DMAC2L: variants seen among roughly 807,000 people sequenced by gnomAD.
DMAC2L encodes ATP synthase subunit s, mitochondrial.
Under a neutral mutation model 22.5 loss-of-function variants are expected in DMAC2L, and 21 were observed. That is an observed-to-expected ratio of 0.93 (90% CI 0.66 to 1.34). The LOEUF is 1.34. DMAC2L is among the 40% of genes most tolerant of loss of function. The probability of loss-of-function intolerance (pLI) is 0.00; values close to 1 mark genes in which losing one functional copy is unlikely to be tolerated. For missense variants in DMAC2L, 239 were observed against 246.5 expected, an observed-to-expected ratio of 0.97 and a Z score of 0.20; for synonymous variants, 86 against 89.5, an observed-to-expected ratio of 0.96 and a Z score of 0.22.
At chr14:50,321,078 C>G (rs2032222985) in intron 2 of DMAC2L, among the ~76,000 whole-genome samples, 1 of 152,174 alleles carries the variant, frequency 6.6e-6, no homozygotes, top group Non-Finnish European at 1.5e-5. Context: ...ATGCAAGCAT[C>G]TTAACCTTGA....
At position 50,318,551 on chromosome 14, in the gene DMAC2L, CAT is replaced by C. The variant is rs2032003086; in HGVS notation, c.-5-2931_-5-2930del. ...CTGGTTTTACCTTTCTCCATGGAAACATGTCAACCGTTGAAGACTATTAATAA... is the reference window on the plus strand; with the variant it reads ...CTGGTTTTACCTTTCTCCATGGAAACGTCAACCGTTGAAGACTATTAATAA... On this transcript the variant is annotated intron_variant, in intron 2 of 5. Coordinates refer to ENST00000557421, the MANE Select transcript of DMAC2L (RefSeq NM_001382507.1). Among the ~76,000 whole-genome samples the C allele has an allele frequency of 2.0e-5, 3 of 152,328 alleles. No individual in the cohort carries two copies. In the South Asian group the frequency reaches 6.2e-4, roughly 32 times the overall value.
intron 3 of DMAC2L, 108 bp from the exon 4 acceptor site, chr14:50,322,403 C>A: frequency 8.4e-7 from 1 of 1,188,066 alleles, no homozygotes; most frequent in Non-Finnish European, 1.1e-6. Context: ...CCTCGTCAGT[C>A]ACTTGAAATG....
At position 50,319,291 on chromosome 14, in the gene DMAC2L, G is replaced by A. The variant is rs766570703; in HGVS notation, c.-5-2192G>A. ...TAATGAAGACGGCTGTAGTGAAAAA[G>A]GGATGAAAGGGTAGTTGGTTCTGTC... On this transcript the variant is annotated intron_variant, in intron 2 of 5. Coordinates refer to ENST00000557421, the MANE Select transcript of DMAC2L (RefSeq NM_001382507.1). 5 of 1,535,914 alleles carry A rather than the reference G, an allele frequency of 3.3e-6. No homozygotes were observed. In the African/African-American group the frequency reaches 5.5e-5, roughly 17 times the overall value.
At chr14:50,315,009 C>T (rs767443899) in intron 2 of DMAC2L, among the ~76,000 whole-genome samples, 18 of 151,548 alleles carry the variant, frequency 1.2e-4, no homozygotes, top group Non-Finnish European at 2.4e-4. Flanking sequence ...CTCTGTCACC[C>T]AGGCTGGAGT....
upstream of DMAC2L, chr14:50,312,104 C>G: frequency 6.2e-7 from 1 of 1,608,342 alleles, no homozygotes; most frequent in Non-Finnish European, 8.5e-7. Context: ...GAAAAGCCCG[C>G]GGGCCCGTCC....
Position 50,324,110 on chromosome 14 carries a change from AT to A in DMAC2L, c.485del (p.Leu162Ter), listed in dbSNP as rs757061069. ...ITDKGIIALR[H>X]LRNLKYLLLS... ...GACAAAGGCATCATTGCTTTGCGTC[AT>A]TTAAGGTAGATGATCAAAGCCAAAG... On this transcript the variant is annotated frameshift_variant, in exon 5 of 6. Transcript: ENST00000557421. LOFTEE classifies it high-confidence loss of function. 1.0e-5 allele frequency: 16 copies of A among 1,607,938 alleles called. No homozygotes were observed. In the African/African-American group the frequency reaches 1.9e-4, roughly 19 times the overall value.
upstream of DMAC2L, chr14:50,311,892 G>A: frequency 1.4e-6 from 2 of 1,382,652 alleles, no homozygotes; most frequent in Non-Finnish European, 2.0e-6. Flanking sequence ...GAGTGCCACA[G>A]GACCCCAACC....
At position 50,321,591 on chromosome 14, in the gene DMAC2L, ATAAG is replaced by A. The variant is rs1193637835; in HGVS notation, c.107+3_107+6del. 2 of 1,606,906 alleles carry A rather than the reference ATAAG, an allele frequency of 1.2e-6. No homozygotes were observed. Among genetic ancestry groups the A allele is most frequent in the South Asian group, 1.1e-5 (1 of 90,900 alleles). ...TGGGGCTGGTTGAATGCAGTGTTTA[ATAAG>A]TAAGTTACTCTAAATAAAGTGAAGA... On this transcript the variant is annotated splice_donor_variant and coding_sequence_variant, in exon 3 of 6. Transcript: ENST00000557421. LOFTEE classifies it high-confidence loss of function.
chr14:50,325,658 G>C lies in DMAC2L; in HGVS notation c.538G>C (p.Glu180Gln), dbSNP rs748784549. ...TGATCTTCCTGGAGTAAGAGAAAAA[G>C]AAAATCTTGTCCAAGCCTTTAAGAC... ...LSDLPGVREK[E>Q]NLVQAFKTAL... Residue 180 changes from glutamate (E) to glutamine (Q), a missense_variant, in exon 6 of 6, where the codon GAA (glutamate) becomes CAA (glutamine). Physicochemically the swap from Glu to Gln is conservative, Grantham distance 29. Coordinates refer to ENST00000557421, the MANE Select transcript of DMAC2L (RefSeq NM_001382507.1). The C allele has an allele frequency of 9.3e-6, 15 of 1,612,790 alleles. No homozygotes were observed. The highest frequency in any genetic ancestry group is 1.3e-5 in the Non-Finnish European group (15 of 1,179,538).
intron 1 of DMAC2L, chr14:50,312,758 C>T (rs2031362120): frequency 4.2e-6 from 2 of 472,564 alleles, no homozygotes; most frequent in South Asian, 5.9e-5. Context: ...ACTAGAAGGG[C>T]GCTCCCTGTC....
intron 4 of DMAC2L, among the ~76,000 whole-genome samples, chr14:50,323,520 A>G (rs112156224): frequency 0.024 from 3,670 of 151,736 alleles, 137 homozygotes; most frequent in East Asian, 0.15. Context: ...CAGCCTCCCA[A>G]GTAGCTGGGA....
upstream of DMAC2L, chr14:50,312,206 G>T (rs1013606366): frequency 1.4e-5 from 22 of 1,596,200 alleles, no homozygotes; most frequent in South Asian, 2.0e-4. Flanking sequence ...GACCCTCCAC[G>T]GCCGAGGACC....
rs1326671913 is a variant in DMAC2L at position 50,325,686 on chromosome 14, C to T, written c.566C>T (p.Ala189Val). Residue 189 changes from alanine to valine, a missense_variant, in exon 6 of 6, where the codon GCA (alanine) becomes GTA (valine). Coordinates refer to ENST00000557421, the MANE Select transcript of DMAC2L (RefSeq NM_001382507.1). Reference protein sequence around the residue: ...KENLVQAFKTALPSLELKLQL... With the variant: ...KENLVQAFKTVLPSLELKLQL... ...AATCTTGTCCAAGCCTTTAAGACAG[C>T]ACTGCCTTCTCTGGAACTAAAATTA... The T allele has an allele frequency of 3.7e-6, 6 of 1,612,716 alleles. No individual in the cohort carries two copies. The Admixed American group carries it at 5.0e-5, about 13-fold the overall frequency.
At chr14:50,316,139 T>A (rs771786013) in intron 2 of DMAC2L, among the ~76,000 whole-genome samples, 3 of 152,204 alleles carry the variant, frequency 2.0e-5, no homozygotes, top group Non-Finnish European at 4.4e-5. Context: ...GTGGTTTTGA[T>A]TTGCATTTTC....
At position 50,325,697 on chromosome 14, in the gene DMAC2L, C is replaced by G; in HGVS notation, c.577C>G (p.Leu193Val). ...AGCCTTTAAGACAGCACTGCCTTCT[C>G]TGGAACTAAAATTACAATTGAAGTA... ...VQAFKTALPS[L>V]ELKLQLK The change falls in exon 6 of 6, where the codon CTG becomes GTG. Residue 193 changes from leucine to valine, a missense_variant. Transcript: ENST00000557421. The G allele has an allele frequency of 3.1e-6, 5 of 1,612,204 alleles. No individual in the cohort carries two copies. Among genetic ancestry groups the G allele is most frequent in the Non-Finnish European group, 4.2e-6 (5 of 1,179,206 alleles).
In DMAC2L at chr14:50,315,330, C is replaced by G. The variant is rs76323803; in HGVS notation, c.-6+704C>G. On this transcript the variant is annotated intron_variant, in intron 2 of 5. Transcript: ENST00000557421. ...GCTCCCACTTTTGAGTAAGAACATA[C>G]GATGTTTGGTTTTCCATTCCTGAGT... Among the ~76,000 whole-genome samples, 150 of 151,666 alleles carry G rather than the reference C, an allele frequency of 9.9e-4. 1 individual carries two copies. The highest frequency in any genetic ancestry group is 1.6e-3 in the Non-Finnish European group (111 of 67,876).
Position 50,313,024 on chromosome 14 carries a change from T to C in DMAC2L, c.-42+635T>C, listed in dbSNP as rs543498519. ...CTGAACCGAGATACAGTTTTAAATGTGCTGTGCGGTCTCTGAGCAGCGACT... is the reference window on the plus strand; with the variant it reads ...CTGAACCGAGATACAGTTTTAAATGCGCTGTGCGGTCTCTGAGCAGCGACT... On this transcript the variant is annotated intron_variant, in intron 1 of 5. Coordinates refer to ENST00000557421, the MANE Select transcript of DMAC2L (RefSeq NM_001382507.1). The C allele has an allele frequency of 3.1e-6, 5 of 1,614,198 alleles. No individual in the cohort carries two copies. In the Admixed American group the frequency reaches 6.7e-5, roughly 22 times the overall value.
At position 50,321,512 on chromosome 14, in the gene DMAC2L, C is replaced by T. The variant is rs1392454297; in HGVS notation, c.25C>T (p.Gln9Ter). ...AATGATGCCGTTTGGAAAAATTTCC[C>T]AGCAGTTGTGTGGCGTAAAGAAACT... MMPFGKISQQLCGVKKLPW... is the reference protein window; with the variant it reads MMPFGKIS The change falls in exon 3 of 6, where the codon CAG (glutamine) becomes TAG (stop). Residue 9 changes from glutamine (Q) to a stop codon, truncating the protein, a stop_gained. Coordinates refer to ENST00000557421, the MANE Select transcript of DMAC2L (RefSeq NM_001382507.1). LOFTEE classifies it high-confidence loss of function. 2.5e-6 allele frequency: 4 copies of T among 1,613,898 alleles called. No homozygotes were observed. Among genetic ancestry groups the T allele is most frequent in the Middle Eastern group, 1.6e-4 (1 of 6,082 alleles).
intron 5 of DMAC2L, chr14:50,324,322 T>G (rs949568470): frequency 2.6e-6 from 1 of 382,664 alleles, no homozygotes; most frequent in Non-Finnish European, 4.3e-6. Context: ...TTATAGAGTA[T>G]ATTTTAAAAA....
Sources: gnomAD v4.1 joint callset for allele counts (sites outside exome capture counted in the v4.1 genomes callset) on GRCh38, gnomAD v4.1.1 for gene constraint, MANE v1.5 for transcripts, NCBI Gene and HGNC (gene_info 2026-07-23, HGNC 2026-07-21) for gene names.